Variants in NANP observed in about 807,000 individuals in gnomAD.
The protein encoded by NANP is N-acetylneuraminic acid phosphatase.
In NANP, 15 loss-of-function variants were observed where a neutral mutation model predicts 16.9. The ratio of observed to expected loss-of-function variants is 0.89; its 90% CI spans 0.59 to 1.37. The LOEUF is 1.37. Among genes scored for constraint, NANP ranks in the 40% most tolerant of loss-of-function variants. The pLI is 0.00. For synonymous variants in NANP, 135 were observed against 112.6 expected, an observed-to-expected ratio of 1.20 and a Z score of -1.26; for missense variants, 290 against 303.5, an observed-to-expected ratio of 0.96 and a Z score of 0.33.
At chr20:25,623,248 C>T (rs1391391395) in intron 1 of NANP, among the ~76,000 whole-genome samples, 1 of 152,246 alleles carries the variant, frequency 6.6e-6, no homozygotes, top group Non-Finnish European at 1.5e-5. Context: ...TCAGGAAGGG[C>T]ATGCCCTCGC....
rs575843968 is a variant in NANP, at chr20:25,615,400, T to C, written c.*525A>G. The C allele has an allele frequency of 6.6e-6, 1 of 152,398 alleles. No individual in the cohort carries two copies. Among genetic ancestry groups the C allele is most frequent in the African/African-American group, 2.4e-5 (1 of 41,582 alleles). The allele number at this position is 152,398 out of a possible 1,614,324, so 9.4% of individuals were successfully genotyped here. A position where few individuals can be genotyped will look rare whatever the true frequency, so the allele number is the denominator to read the frequency against. On this transcript the variant is annotated 3_prime_UTR_variant, in exon 2 of 2. Coordinates refer to ENST00000304788, the MANE Select transcript of NANP (RefSeq NM_152667.3). ...GTAGGCAAAAACTATGGTTTATGTT[T>C]TCAAAATATGCAAAATAATTTCACT...
At chr20:25,621,430 G>GA (rs1204904078) in intron 1 of NANP, among the ~76,000 whole-genome samples, 1 of 151,912 alleles carries the variant, frequency 6.6e-6, no homozygotes, top group East Asian at 1.9e-4. Context: ...TAAAGAGGGA[G>GA]AAAAAAAATA....
rs2065335090 is a variant in NANP, at chr20:25,614,577, A to G, written c.*1348T>C. On this transcript the variant is annotated 3_prime_UTR_variant, in exon 2 of 2. Transcript: ENST00000304788. Reference sequence around the variant, plus strand: ...ATATAGAAATTTGCAAAACAATGATATATTTCCAAGAATGTGAAAAACAGA... The same window carrying G: ...ATATAGAAATTTGCAAAACAATGATGTATTTCCAAGAATGTGAAAAACAGA... The G allele has an allele frequency of 6.6e-6, 1 of 152,216 alleles. No homozygotes were observed. Among genetic ancestry groups the G allele is most frequent in the Non-Finnish European group, 1.5e-5 (1 of 68,038 alleles). The allele number at this position is 152,216 out of a possible 1,614,324, so 9.4% of individuals were successfully genotyped here. A position where few individuals can be genotyped will look rare whatever the true frequency, so the allele number is the denominator to read the frequency against.
rs185791229 is a variant in NANP at position 25,616,361 on chromosome 20, C to T, written c.311G>A (p.Arg104His). 24 of 1,614,122 alleles carry T rather than the reference C, an allele frequency of 1.5e-5. No individual in the cohort carries two copies. Among genetic ancestry groups the T allele is most frequent in the Admixed American group, 5.0e-5 (3 of 60,016 alleles). The change falls in exon 2 of 2, where the codon CGT (arginine) becomes CAT (histidine). Residue 104 changes from arginine (R) to histidine (H), a missense_variant. Coordinates refer to ENST00000304788, the MANE Select transcript of NANP (RefSeq NM_152667.3). ...TTCTGCTAGTGTCATATGCTGTAAA[C>T]GTGTAGATTTCCAAAGGAAATAACA... ...EECYFLWKST[R>H]LQHMTLAEDV...
chr20:25,615,817 TAAAA>T lies in NANP; in HGVS notation c.*104_*107del. On this transcript the variant is annotated 3_prime_UTR_variant, in exon 2 of 2. Coordinates refer to ENST00000304788, the MANE Select transcript of NANP (RefSeq NM_152667.3). ...AAAATATTGGCCATTAAATCATAAG[TAAAA>T]TTATTCTTAGAGCTGGATTATCATA... The T allele has an allele frequency of 8.7e-7, 1 of 1,148,358 alleles. No individual in the cohort carries two copies. The highest frequency in any genetic ancestry group is 1.2e-6 in the Non-Finnish European group (1 of 818,970). 71.1% of individuals were successfully genotyped at this position (1,148,358 alleles called of 1,614,324 possible). A position where few individuals can be genotyped will look rare whatever the true frequency, so the allele number is the denominator to read the frequency against.
intron 1 of NANP, among the ~76,000 whole-genome samples, chr20:25,617,249 T>C (rs929031451): frequency 2.0e-5 from 3 of 152,292 alleles, no homozygotes; most frequent in East Asian, 3.9e-4. Context: ...TCTCATTCTG[T>C]AGCTTAGGCT....
chr20:25,615,883 C>T lies in NANP; in HGVS notation c.*42G>A, dbSNP rs6050711. ...CTAACTTTTCTTATTTCATACTCAGCAAATTGATTCTAACATTCATAATCA... is the reference window on the plus strand; with the variant it reads ...CTAACTTTTCTTATTTCATACTCAGTAAATTGATTCTAACATTCATAATCA... On this transcript the variant is annotated 3_prime_UTR_variant, in exon 2 of 2. Coordinates refer to ENST00000304788, the MANE Select transcript of NANP (RefSeq NM_152667.3). 10,274 of 1,534,890 alleles carry T rather than the reference C, an allele frequency of 6.7e-3. 442 individuals carry two copies. In the African/African-American group the frequency reaches 0.1, roughly 15 times the overall value.
Position 25,613,941 on chromosome 20 carries a change from A to G in NANP, c.*1984T>C, listed in dbSNP as rs1444774696. The G allele has an allele frequency of 2.5e-6, 1 of 397,984 alleles. No homozygotes were observed. Among genetic ancestry groups the G allele is most frequent in the Non-Finnish European group, 4.4e-6 (1 of 225,832 alleles). 24.7% of individuals were successfully genotyped at this position (397,984 alleles called of 1,614,324 possible). ...TGCAGCACACGCCAACCAATCTATC[A>G]GAGCAATCATGCATGTGACTACTTC... On this transcript the variant is annotated 3_prime_UTR_variant, in exon 2 of 2. Transcript: ENST00000304788.
Position 25,616,180 on chromosome 20 carries a change from T to C in NANP, c.492A>G (p.Lys164=). The C allele has an allele frequency of 1.2e-6, 2 of 1,614,040 alleles. No homozygotes were observed. The highest frequency in any genetic ancestry group is 1.7e-6 in the Non-Finnish European group (2 of 1,179,994). ...VVVGGEQREE[K]PAPSIFYYCC... ...AGTAATAAAATATGGACGGTGCTGGTTTCTCCTCTCTCTGCTCTCCACCTA... is the reference window on the plus strand; with the variant it reads ...AGTAATAAAATATGGACGGTGCTGGCTTCTCCTCTCTCTGCTCTCCACCTA... The change falls in exon 2 of 2, where the codon AAA becomes AAG. Residue 164 remains lysine (K), a synonymous_variant. Transcript: ENST00000304788.
Position 25,615,859 on chromosome 20 carries a change from T to C in NANP, c.*66A>G. The C allele has an allele frequency of 6.8e-7, 1 of 1,463,136 alleles. No individual in the cohort carries two copies. Among genetic ancestry groups the C allele is most frequent in the Non-Finnish European group, 9.2e-7 (1 of 1,084,078 alleles). The allele number at this position is 1,463,136 out of a possible 1,614,324, so 90.6% of individuals were successfully genotyped here. A position where few individuals can be genotyped will look rare whatever the true frequency, so the allele number is the denominator to read the frequency against. ...CTGGATTATCATAAGTGGAGTGCCC[T>C]AACTTTTCTTATTTCATACTCAGCA... On this transcript the variant is annotated 3_prime_UTR_variant, in exon 2 of 2. Transcript: ENST00000304788.
In NANP at chr20:25,614,560, A is replaced by G. The variant is rs1306864318; in HGVS notation, c.*1365T>C. 1 of 152,216 alleles carries G rather than the reference A, an allele frequency of 6.6e-6. No individual in the cohort carries two copies. Among genetic ancestry groups the G allele is most frequent in the African/African-American group, 2.4e-5 (1 of 41,450 alleles). 9.4% of individuals were successfully genotyped at this position (152,216 alleles called of 1,614,324 possible). On this transcript the variant is annotated 3_prime_UTR_variant, in exon 2 of 2. Coordinates refer to ENST00000304788, the MANE Select transcript of NANP (RefSeq NM_152667.3). ...GGTAAACCCTGAATTAGATATAGAAATTTGCAAAACAATGATATATTTCCA... is the reference window on the plus strand; with the variant it reads ...GGTAAACCCTGAATTAGATATAGAAGTTTGCAAAACAATGATATATTTCCA...
At chr20:25,623,608 C>A (rs1256946245) in intron 1 of NANP, among the ~76,000 whole-genome samples, 1 of 152,210 alleles carries the variant, frequency 6.6e-6, no homozygotes, top group Non-Finnish European at 1.5e-5. Context: ...GCGTCCCGAG[C>A]GCCAAGGCAC....
chr20:25,621,430 GA>G (rs1204904078), intron 1 of NANP, among the ~76,000 whole-genome samples: 2 of 151,912 alleles, frequency 1.3e-5, no homozygotes, highest in African/African-American at 4.8e-5. Context: ...TAAAGAGGGA[GA>G]AAAAAAATAA....
At chr20:25,618,918 T>C (rs2065354051) in intron 1 of NANP, among the ~76,000 whole-genome samples, 1 of 152,058 alleles carries the variant, frequency 6.6e-6, no homozygotes, top group Non-Finnish European at 1.5e-5. Flanking sequence ...TGTGTTCAGG[T>C]GAGCACCTGA....
Position 25,613,152 on chromosome 20 carries a change from GTTATAT to G in NANP, c.*2767_*2772del, listed in dbSNP as rs1277657196. On this transcript the variant is annotated 3_prime_UTR_variant, in exon 2 of 2. Transcript: ENST00000304788. ...TATTTATATTTATTTATATACATGT[GTTATAT>G]TTATATTTATATATAGTTACAGTGT... 2.6e-5 allele frequency: 4 copies of G among 151,638 alleles called. No individual in the cohort carries two copies. The highest frequency in any genetic ancestry group is 2.0e-4 in the Admixed American group (3 of 15,230). The allele number at this position is 151,638 out of a possible 1,614,324, so 9.4% of individuals were successfully genotyped here. A position where few individuals can be genotyped will look rare whatever the true frequency, so the allele number is the denominator to read the frequency against.
In NANP at chr20:25,616,073, T is replaced by C. The variant is rs142480989; in HGVS notation, c.599A>G (p.Asn200Ser). The C allele has an allele frequency of 2.0e-5, 32 of 1,614,094 alleles. No homozygotes were observed. The highest frequency in any genetic ancestry group is 2.5e-5 in the Non-Finnish European group (30 of 1,180,040). Residue 200 changes from asparagine to serine, a missense_variant, in exon 2 of 2, where the codon AAT (asparagine) becomes AGT (serine). By Grantham distance (46) the Asn-to-Ser change is conservative. Transcript: ENST00000304788. Reference sequence around the variant, plus strand: ...CCAGACTGTTGCTTTCAATCCTGCATTGAGGCCTCCTTGGATGTCGGTTTC... The same window carrying C: ...CCAGACTGTTGCTTTCAATCCTGCACTGAGGCCTCCTTGGATGTCGGTTTC... ...TLETDIQGGL[N>S]AGLKATVWIN...
chr20:25,619,487 G>A (rs1459000797), intron 1 of NANP, among the ~76,000 whole-genome samples: 1 of 150,034 alleles, frequency 6.7e-6, no homozygotes, highest in Non-Finnish European at 1.5e-5. Context: ...TTGGCCATAT[G>A]AGAAAAAAAA....
Position 25,614,608 on chromosome 20 carries a change from T to C in NANP, c.*1317A>G, listed in dbSNP as rs892436875. On this transcript the variant is annotated 3_prime_UTR_variant, in exon 2 of 2. Coordinates refer to ENST00000304788, the MANE Select transcript of NANP (RefSeq NM_152667.3). ...CCAAGAATGTGAAAAACAGAGGAAA[T>C]TTAAGGCAGATGGTAACTCTAAGAA... 6.6e-6 allele frequency: 1 copy of C among 152,096 alleles called. No individual in the cohort carries two copies. The highest frequency in any genetic ancestry group is 1.5e-5 in the Non-Finnish European group (1 of 68,022). The allele number at this position is 152,096 out of a possible 1,614,324, so 9.4% of individuals were successfully genotyped here.
At position 25,616,462 on chromosome 20, in the gene NANP, A is replaced by C; in HGVS notation, c.210T>G (p.Asp70Glu). The C allele has an allele frequency of 6.2e-7, 1 of 1,614,120 alleles. No homozygotes were observed. The highest frequency in any genetic ancestry group is 8.5e-7 in the Non-Finnish European group (1 of 1,180,022). Reference sequence around the variant, plus strand: ...CTTCTTCCCAATGTGAAGTCCTTAAATCAGTAATGCATGTATTGTAAGGAT... The same window carrying C: ...CTTCTTCCCAATGTGAAGTCCTTAACTCAGTAATGCATGTATTGTAAGGAT... ...CFHPYNTCIT[D>E]LRTSHWEEAI... Residue 70 changes from aspartate to glutamate, a missense_variant, in exon 2 of 2, where the codon GAT becomes GAG. Asp to Glu is a conservative substitution (Grantham distance 45). Coordinates refer to ENST00000304788, the MANE Select transcript of NANP (RefSeq NM_152667.3).
Sources: allele counts gnomAD v4.1 joint callset (sites outside exome capture counted in the v4.1 genomes callset), GRCh38; gene constraint gnomAD v4.1.1; transcripts MANE v1.5; gene names NCBI Gene and HGNC (gene_info 2026-07-23, HGNC 2026-07-21).